The following GRID2 variants were observed in gnomAD, a reference collection of about 807,000 sequenced individuals.
GRID2 encodes the protein glutamate receptor ionotropic, delta-2.
Under a neutral mutation model 114.8 loss-of-function variants are expected in GRID2, and 33 were observed. The ratio of observed to expected loss-of-function variants is 0.29; its 90% CI spans 0.22 to 0.38. The LOEUF is 0.38. Ranked by LOEUF, GRID2 falls within the 10% of genes least tolerant of loss-of-function variation. The probability of loss-of-function intolerance (pLI) is 1.00; values close to 1 mark genes in which losing one functional copy is unlikely to be tolerated. For synonymous variants in GRID2, 505 were observed against 449.9 expected (o/e 1.12, Z -1.55); for missense variants, 1,184 against 1,257.7 (o/e 0.94, Z 0.89).
At chr4:93,067,534 T>G (rs1317297848) in intron 2 of GRID2, among the ~76,000 whole-genome samples, 1 of 152,032 alleles carries the variant, frequency 6.6e-6, no homozygotes, top group Non-Finnish European at 1.5e-5. Flanking sequence ...CATGACTTAA[T>G]CACCTCCCAA....
chr4:93,611,651 C>A (rs1740931883), intron 13 of GRID2, among the ~76,000 whole-genome samples: 1 of 121,700 alleles, frequency 8.2e-6, no homozygotes, highest in African/African-American at 3.8e-5. Context: ...ATCCTGAGTT[C>A]TAGTTTGATT....
intron 2 of GRID2, among the ~76,000 whole-genome samples, chr4:92,772,145 A>G (rs552616152): frequency 6.6e-6 from 1 of 152,304 alleles, no homozygotes; most frequent in South Asian, 2.1e-4. Flanking sequence ...ATCATCTTTA[A>G]TTGTATCTGA....
chr4:93,182,110 T>A (rs1739948026), intron 4 of GRID2, among the ~76,000 whole-genome samples: 1 of 152,174 alleles, frequency 6.6e-6, no homozygotes, highest in Non-Finnish European at 1.5e-5. Context: ...TAAACTTCAA[T>A]GTAAAAATTA....
chr4:92,926,576 C>G (rs563206636), intron 2 of GRID2, among the ~76,000 whole-genome samples: 2 of 152,008 alleles, frequency 1.3e-5, no homozygotes, highest in Non-Finnish European at 2.9e-5. Flanking sequence ...GAAAAAGAGT[C>G]TATTGAATGA....
rs575288805 is a variant in GRID2, at chr4:92,629,949, T to C, written c.244+39663T>C. 3.2e-3 allele frequency among the ~76,000 whole-genome samples: 475 copies of C among 148,578 alleles called. 2 individuals are homozygous for C. Among genetic ancestry groups the C allele is most frequent in the African/African-American group, 0.011 (459 of 40,974 alleles). On this transcript the variant is annotated intron_variant, in intron 2 of 15. Coordinates refer to ENST00000282020, the MANE Select transcript of GRID2 (RefSeq NM_001510.4). ...ATAAATTATATATTTTATATTATTA[T>C]ATAACAACATTTATAAAATTTAAAT...
At chr4:92,379,768 T>C (rs944283076) in intron 1 of GRID2, among the ~76,000 whole-genome samples, 3 of 152,032 alleles carry the variant, frequency 2.0e-5, no homozygotes, top group African/African-American at 7.2e-5. Context: ...CATTGAAAAC[T>C]GATCATTGCT....
intron 2 of GRID2, among the ~76,000 whole-genome samples, chr4:92,974,374 A>G (rs912197387): frequency 2.6e-5 from 4 of 152,154 alleles, no homozygotes; most frequent in African/African-American, 9.7e-5. Context: ...TCTACGATAA[A>G]GACACATGTA....
chr4:93,536,532 T>C (rs922057688), intron 13 of GRID2, among the ~76,000 whole-genome samples: 1 of 151,656 alleles, frequency 6.6e-6, no homozygotes, highest in African/African-American at 2.4e-5. Context: ...TTATATAAAT[T>C]AATTCACAAT....
intron 6 of GRID2, among the ~76,000 whole-genome samples, chr4:93,218,857 C>T (rs536356242): frequency 6.6e-5 from 10 of 152,218 alleles, no homozygotes; most frequent in African/African-American, 2.4e-4. Context: ...TTCCTCACAT[C>T]GCAGCAGGTA....
chr4:93,791,127 G>A lies in GRID2; in HGVS notation c.222-15588G>A, dbSNP rs145289772. On this transcript the variant is annotated intron_variant, in intron 1 of 1. Coordinates refer to the GRID2 transcript ENST00000637838. ...AGTTCTAAAAGATCTTTCTTAGAGA[G>A]ATGTACAAATGAAAACATATGTGTT... Among the ~76,000 whole-genome samples, 837 of 152,238 alleles carry A rather than the reference G, an allele frequency of 5.5e-3. 4 individuals are homozygous for A. The highest frequency in any genetic ancestry group is 9.0e-3 in the Non-Finnish European group (613 of 68,006).
At chr4:93,537,833 C>T (rs1050516317) in intron 13 of GRID2, among the ~76,000 whole-genome samples, 32 of 151,596 alleles carry the variant, frequency 2.1e-4, no homozygotes, top group Admixed American at 6.6e-4. Context: ...TTTGTTACAC[C>T]CCTTTACTTC....
At chr4:92,740,742 G>GGATA (rs1164814479) in intron 2 of GRID2, among the ~76,000 whole-genome samples, 2 of 111,492 alleles carry the variant, frequency 1.8e-5, no homozygotes, top group Non-Finnish European at 1.9e-5. Context: ...ATAGATAGAT[G>GGATA]GATAGATAGA....
At chr4:92,518,627 CACA>C (rs1182044898) in intron 1 of GRID2, among the ~76,000 whole-genome samples, 1 of 151,164 alleles carries the variant, frequency 6.6e-6, no homozygotes, top group African/African-American at 2.4e-5. Context: ...ATTTTTTTTT[CACA>C]ACAATGGGAA....
intron 13 of GRID2, among the ~76,000 whole-genome samples, chr4:93,535,946 G>T (rs1732021493): frequency 6.6e-6 from 1 of 151,760 alleles, no homozygotes; most frequent in South Asian, 2.1e-4. Flanking sequence ...TATACTTTTG[G>T]TGTAATAGCC....
intron 2 of GRID2, among the ~76,000 whole-genome samples, chr4:92,945,329 A>T (rs1320421336): frequency 6.6e-6 from 1 of 152,150 alleles, no homozygotes; most frequent in Admixed American, 6.5e-5. Context: ...ATGGAATCCA[A>T]CATTACTTAT....
chr4:92,445,122 A>G (rs1579376736), intron 1 of GRID2, among the ~76,000 whole-genome samples: 1 of 152,120 alleles, frequency 6.6e-6, no homozygotes, highest in Non-Finnish European at 1.5e-5. Context: ...ATACTCTTCA[A>G]ATTATTTCAC....
chr4:93,248,377 G>A (rs1292508235), intron 8 of GRID2, among the ~76,000 whole-genome samples: 1 of 152,082 alleles, frequency 6.6e-6, no homozygotes, highest in Admixed American at 6.6e-5. Context: ...TGCACAAGTG[G>A]GCAGACAGTG....
chr4:93,648,121 T>C (rs1037769641), intron 14 of GRID2, among the ~76,000 whole-genome samples: 1 of 152,088 alleles, frequency 6.6e-6, no homozygotes, highest in East Asian at 1.9e-4. Context: ...AGAGGGACGA[T>C]ACCATAAACT....
chr4:93,205,930 G>T (rs760425079), intron 4 of GRID2, among the ~76,000 whole-genome samples: 1 of 152,026 alleles, frequency 6.6e-6, no homozygotes, highest in African/African-American at 2.4e-5. Flanking sequence ...ATTTGTTCAC[G>T]TGTTTTTTGG....
Sources: gnomAD v4.1 joint callset for allele counts (sites outside exome capture counted in the v4.1 genomes callset) on GRCh38, gnomAD v4.1.1 for gene constraint, MANE v1.5 for transcripts, NCBI Gene and HGNC (gene_info 2026-07-23, HGNC 2026-07-21) for gene names.